The following AKAP9 variants were observed in gnomAD, a reference collection of about 807,000 sequenced individuals.
AKAP9 encodes A-kinase anchor protein 9.
AKAP9 carries 311 observed loss-of-function variants against 488.5 expected under a neutral mutation model. That is an observed-to-expected ratio of 0.64 (90% CI 0.58 to 0.70). The LOEUF (loss-of-function observed/expected upper bound fraction) is 0.70, where lower values mean the gene tolerates loss of function less well. Among genes scored for constraint, AKAP9 ranks in the 30% least tolerant of loss-of-function variants. The pLI is 0.00. For missense variants in AKAP9, 4,215 were observed against 4,374.5 expected (o/e 0.96, Z 1.03); for synonymous variants, 1,462 against 1,483.5 (o/e 0.99, Z 0.33).
In AKAP9 at chr7:92,084,804, T is replaced by C. The variant is rs1814220316; in HGVS notation, c.8711-15T>C. 6 of 1,611,714 alleles carry C rather than the reference T, an allele frequency of 3.7e-6. No individual in the cohort carries two copies. The highest frequency in any genetic ancestry group is 5.1e-6 in the Non-Finnish European group (6 of 1,179,168). The stretch of plus-strand genomic sequence containing the variant: ...TTTTTTTTTTTTTAACAGCAAATTA[T>C]TTTCTTTATTTTAGATTCTGGATCA... On this transcript the variant is annotated splice_polypyrimidine_tract_variant and intron_variant, in intron 34 of 49. Coordinates refer to ENST00000356239, the MANE Select transcript of AKAP9 (RefSeq NM_005751.5).
chr7:92,108,803 ACTT>A lies in AKAP9; in HGVS notation c.11686+171_11686+173del. Reference sequence around the variant, plus strand: ...ACTCTTGTAACCAGCAGAGAAACTGACTTTAAATAATTTAAGTGAAAATATGAT... The same window carrying A: ...ACTCTTGTAACCAGCAGAGAAACTGATAAATAATTTAAGTGAAAATATGAT... On this transcript the variant is annotated intron_variant, in intron 49 of 49. Transcript: ENST00000356239. 3.7e-6 allele frequency: 3 copies of A among 802,876 alleles called. No individual in the cohort carries two copies. In the South Asian group the frequency reaches 4.5e-5, roughly 12 times the overall value. The allele number at this position is 802,876 out of a possible 1,614,324, so 49.7% of individuals were successfully genotyped here. A position where few individuals can be genotyped will look rare whatever the true frequency, so the allele number is the denominator to read the frequency against.
chr7:91,988,075 G>T (rs981418886), intron 3 of AKAP9, among the ~76,000 whole-genome samples: 18 of 152,006 alleles, frequency 1.2e-4, no homozygotes, highest in Non-Finnish European at 1.9e-4. Flanking sequence ...AGCTACTTGG[G>T]AGGCTGAGGT....
chr7:91,948,851 T>A (rs1791841162), intron 1 of AKAP9, among the ~76,000 whole-genome samples: 1 of 151,724 alleles, frequency 6.6e-6, no homozygotes, highest in Non-Finnish European at 1.5e-5. Context: ...TGACCTCAGG[T>A]GATCTGCCCG....
intron 7 of AKAP9, among the ~76,000 whole-genome samples, chr7:91,997,446 A>G (rs1409162308): frequency 2.0e-5 from 3 of 152,226 alleles, no homozygotes; most frequent in South Asian, 4.1e-4. Context: ...TTCCCCAACA[A>G]TTGGCCTAAT....
intron 37 of AKAP9, 51 bp from the exon 38 acceptor site, chr7:92,089,334 G>A (rs781243638): frequency 1.3e-6 from 2 of 1,597,120 alleles, no homozygotes; most frequent in South Asian, 2.2e-5. Flanking sequence ...GTTGTTAATT[G>A]TATTGCCTTT....
At chr7:91,973,574 A>G (rs1795333135) in intron 1 of AKAP9, 137 bp from the exon 2 acceptor site, 4 of 945,870 alleles carry the variant, frequency 4.2e-6, no homozygotes, top group East Asian at 5.2e-5. Flanking sequence ...AAAGACTGTA[A>G]TAATTGTTCT....
intron 38 of AKAP9, chr7:92,092,864 C>G (rs1393276827): frequency 4.5e-6 from 2 of 447,738 alleles, no homozygotes; most frequent in Admixed American, 7.1e-5. Context: ...CCAGGCTGGT[C>G]TTGAACTCCT....
rs1819151444 is a variant in AKAP9, at chr7:92,110,412, A to G, written c.*253A>G. 1 of 506,568 alleles carries G rather than the reference A, an allele frequency of 2.0e-6. No homozygotes were observed. The allele number at this position is 506,568 out of a possible 1,614,324, so 31.4% of individuals were successfully genotyped here. On this transcript the variant is annotated 3_prime_UTR_variant, in exon 50 of 50. Transcript: ENST00000356239. Reference sequence around the variant, plus strand: ...GAATGCTAATTTAAAACATTAAATTATAAACCTTGTGTATTTATCAAATGG... The same window carrying G: ...GAATGCTAATTTAAAACATTAAATTGTAAACCTTGTGTATTTATCAAATGG...
chr7:92,012,372 A>G (rs1800868509), intron 8 of AKAP9, 57 bp from the exon 9 acceptor site: 2 of 1,487,674 alleles, frequency 1.3e-6, no homozygotes, highest in Admixed American at 3.5e-5. Context: ...AAAAGAAGTT[A>G]AATTATTTGA....
intron 26 of AKAP9, among the ~76,000 whole-genome samples, chr7:92,066,985 T>A (rs1021093022): frequency 6.6e-6 from 1 of 152,190 alleles, no homozygotes; most frequent in African/African-American, 2.4e-5. Flanking sequence ...ATGGCTAATA[T>A]CCAACTCTGT....
At chr7:92,008,785 G>T (rs970843884) in intron 8 of AKAP9, among the ~76,000 whole-genome samples, 1 of 152,032 alleles carries the variant, frequency 6.6e-6, no homozygotes, top group African/African-American at 2.4e-5. Context: ...AGGAGATCAA[G>T]ACCATCCTGG....
chr7:92,096,248 CTAAA>C (rs1281820369), intron 40 of AKAP9, among the ~76,000 whole-genome samples: 1 of 151,274 alleles, frequency 6.6e-6, no homozygotes, highest in Non-Finnish European at 1.5e-5. Context: ...AGTTAATAAA[CTAAA>C]TAATCAGTTC....
At chr7:92,092,926 C>T in intron 38 of AKAP9, 171 bp from the exon 39 acceptor site, 1 of 601,348 alleles carries the variant, frequency 1.7e-6, no homozygotes, top group Non-Finnish European at 2.9e-6. Flanking sequence ...GCTGGGATTA[C>T]AGGTGTGAGC....
chr7:92,013,916 A>C (rs1801147625), intron 9 of AKAP9, among the ~76,000 whole-genome samples: 1 of 152,190 alleles, frequency 6.6e-6, no homozygotes, highest in East Asian at 1.9e-4. Context: ...ACATTGGAGT[A>C]CATGGCACTA....
chr7:91,943,807 T>C (rs1323315020), intron 1 of AKAP9, among the ~76,000 whole-genome samples: 1 of 152,248 alleles, frequency 6.6e-6, no homozygotes, highest in African/African-American at 2.4e-5. Flanking sequence ...ATTCTCTTAA[T>C]GTGAAATCCA....
chr7:92,080,095 GA>G lies in AKAP9; in HGVS notation c.7968del (p.Lys2656AsnfsTer66). ...ELQKLLEGNEKKQREKEKKRS... is the reference protein window; with the variant it reads ...ELQKLLEGNEXKQREKEKKRS... ...TACAGAAGCTATTGGAGGGCAATGAGAAAAAACAGAGAGAGAAAGAAAAGAA... is the reference window on the plus strand; with the variant it reads ...TACAGAAGCTATTGGAGGGCAATGAGAAAAACAGAGAGAGAAAGAAAAGAA... On this transcript the variant is annotated frameshift_variant, in exon 31 of 50. Coordinates refer to ENST00000356239, the MANE Select transcript of AKAP9 (RefSeq NM_005751.5). LOFTEE classifies it high-confidence loss of function. 1.3e-6 allele frequency: 2 copies of G among 1,590,238 alleles called. No individual in the cohort carries two copies. The highest frequency in any genetic ancestry group is 1.7e-6 in the Non-Finnish European group (2 of 1,175,238).
intron 1 of AKAP9, among the ~76,000 whole-genome samples, chr7:91,949,673 A>T (rs1044940660): frequency 6.6e-6 from 1 of 152,178 alleles, no homozygotes; most frequent in Non-Finnish European, 1.5e-5. Flanking sequence ...GGTACATTGC[A>T]TAAAGCTTTG....
Position 92,079,562 on chromosome 7 carries a change from CT to C in AKAP9, c.7430del (p.Leu2477GlnfsTer18), listed in dbSNP as rs1813174603. 6.2e-7 allele frequency: 1 copy of C among 1,613,604 alleles called. No homozygotes were observed. Among genetic ancestry groups the C allele is most frequent in the African/African-American group, 1.3e-5 (1 of 74,904 alleles). On this transcript the variant is annotated frameshift_variant, in exon 31 of 50. Coordinates refer to ENST00000356239, the MANE Select transcript of AKAP9 (RefSeq NM_005751.5). LOFTEE classifies it high-confidence loss of function. Reference protein sequence around the residue: ...VVLTEDALKSLENQTYFKSFE... With the variant: ...VVLTEDALKSXENQTYFKSFE... The stretch of plus-strand genomic sequence containing the variant: ...CCTTACAGAGGATGCTCTTAAATCC[CT>C]AGAAAATCAGACATACTTCAAATCT...
chr7:92,084,371 T>C (rs1342297676), intron 33 of AKAP9, among the ~76,000 whole-genome samples: 1 of 152,192 alleles, frequency 6.6e-6, no homozygotes, highest in Non-Finnish European at 1.5e-5. Flanking sequence ...TTTCTTTAAA[T>C]CTTTCCATTG....
Sources: gnomAD v4.1 joint callset for allele counts (sites outside exome capture counted in the v4.1 genomes callset) on GRCh38, gnomAD v4.1.1 for gene constraint, MANE v1.5 for transcripts, NCBI Gene and HGNC (gene_info 2026-07-23, HGNC 2026-07-21) for gene names.